BBC3: variants seen among roughly 807,000 people sequenced by gnomAD.
BBC3 encodes BCL2 binding component 3, also known as bcl-2-binding component 3.
BBC3 carries 5 observed loss-of-function variants against 18.2 expected under a neutral mutation model. That is an observed-to-expected ratio of 0.27 (90% CI 0.14 to 0.58). The LOEUF (loss-of-function observed/expected upper bound fraction) is 0.58. BBC3 is among the 20% of genes least tolerant of loss of function. The pLI, the probability that BBC3 is intolerant of heterozygous loss-of-function variation, is 0.91. For synonymous variants in BBC3, 119 were observed against 128.0 expected (o/e 0.93, Z 0.47); for missense variants, 224 against 268.9 (o/e 0.83, Z 1.17).
At chr19:47,231,997 C>T (rs2058919899), upstream of BBC3, among the ~76,000 whole-genome samples, 1 of 152,224 alleles carries the variant, frequency 6.6e-6, no homozygotes, top group South Asian at 2.1e-4. The surrounding 1 kb of genome is among the most constrained non-coding windows in gnomAD (Gnocchi z 4.0). Context: ...AAATCACACT[C>T]CCACAGGGAC....
At chr19:47,227,770 TCGACCCCTCCCC>T (rs2058854259) in intron 2 of BBC3, among the ~76,000 whole-genome samples, 6 of 151,950 alleles carry the variant, frequency 3.9e-5, no homozygotes, top group Non-Finnish European at 8.8e-5. Context: ...AAAAGGCCTC[TCGACCCCTCCCC>T]AGAGGCCAGA....
rs1344727886 is a variant in BBC3 at position 47,221,689 on chromosome 19, G to A, written c.*113C>T. ...CCGCCCCCGGGACAGGCAGGGCTGGGAGTCCAGTATGCTACATGGTGCAGA... is the reference window on the plus strand; with the variant it reads ...CCGCCCCCGGGACAGGCAGGGCTGGAAGTCCAGTATGCTACATGGTGCAGA... On this transcript the variant is annotated 3_prime_UTR_variant, in exon 4 of 4. Transcript: ENST00000439096. 4.5e-6 allele frequency: 7 copies of A among 1,551,726 alleles called. No individual in the cohort carries two copies. Among genetic ancestry groups the A allele is most frequent in the Admixed American group, 4.2e-5 (2 of 47,950 alleles).
At position 47,228,970 on chromosome 19, in the gene BBC3, G is replaced by C. The variant is rs1324991045; in HGVS notation, c.-15-524C>G. ...CAAACACTGAGATGGCCCCAGTCTC[G>C]GACATCACTACTCAGTACACACAAT... On this transcript the variant is annotated intron_variant, in intron 1 of 3. Coordinates refer to ENST00000439096, the MANE Select transcript of BBC3 (RefSeq NM_014417.5). The surrounding 1 kb of genome is among the most constrained non-coding windows in gnomAD (Gnocchi z 5.5). 6.6e-6 allele frequency among the ~76,000 whole-genome samples: 1 copy of C among 151,484 alleles called. No homozygotes were observed. Among genetic ancestry groups the C allele is most frequent in the Non-Finnish European group, 1.5e-5 (1 of 67,922 alleles).
In BBC3 at chr19:47,230,777, G is replaced by A. The variant is rs2058903741; in HGVS notation, c.-16+152C>T. On this transcript the variant is annotated intron_variant, in intron 1 of 3. Transcript: ENST00000439096. The surrounding 1 kb of genome is among the most constrained non-coding windows in gnomAD (Gnocchi z 6.7). ...GAGCCGCCTCTCACCCGGCGACCCT[G>A]GCCCAGGGTCCCTCGCGGGGTTTGG... is the stretch of plus-strand genomic sequence containing the variant. 1 of 985,204 alleles carries A rather than the reference G, an allele frequency of 1.0e-6. No homozygotes were observed. The allele number at this position is 985,204 out of a possible 1,614,324, so 61.0% of individuals were successfully genotyped here.
In BBC3 at chr19:47,224,547, A is replaced by G. The variant is rs1231435994; in HGVS notation, c.465+2017T>C. On this transcript the variant is annotated intron_variant, in intron 3 of 3. Coordinates refer to ENST00000439096, the MANE Select transcript of BBC3 (RefSeq NM_014417.5). ...AGGCTGAGGCGGGAGGATCCCTTAAACCCAGGAGTTGGAGGCTGCAGGGAG... is the reference window on the plus strand; with the variant it reads ...AGGCTGAGGCGGGAGGATCCCTTAAGCCCAGGAGTTGGAGGCTGCAGGGAG... 3.3e-5 allele frequency among the ~76,000 whole-genome samples: 5 copies of G among 152,038 alleles called. No homozygotes were observed. In the East Asian group the frequency reaches 9.7e-4, roughly 29 times the overall value.
At chr19:47,232,446 C>A, upstream of BBC3, 1 of 1,393,922 alleles carries the variant, frequency 7.2e-7, no homozygotes, top group Non-Finnish European at 9.9e-7. Context: ...CAAAGTCACA[C>A]CTGTGACAGC....
intron 1 of BBC3, among the ~76,000 whole-genome samples, chr19:47,229,494 C>CAGCT (rs2123394083): frequency 6.6e-6 from 1 of 151,098 alleles, no homozygotes; most frequent in South Asian, 2.1e-4. Context: ...ACACACCCTA[C>CAGCT]AGCTAACTCT....
chr19:47,225,593 AGC>A (rs2058805341), intron 3 of BBC3, among the ~76,000 whole-genome samples: 1 of 149,754 alleles, frequency 6.7e-6, no homozygotes, highest in Non-Finnish European at 1.5e-5. Context: ...CCTGGGCTCA[AGC>A]GTCCTTCTAT....
chr19:47,223,965 C>T (rs978079805), intron 3 of BBC3, among the ~76,000 whole-genome samples: 1 of 152,086 alleles, frequency 6.6e-6, no homozygotes, highest in African/African-American at 2.4e-5. Context: ...CACAAGAGCG[C>T]ACCCGGAAAT....
intron 1 of BBC3, among the ~76,000 whole-genome samples, chr19:47,229,119 G>A (rs1437859983): frequency 6.6e-6 from 1 of 151,986 alleles, no homozygotes; most frequent in African/African-American, 2.4e-5. Context: ...CTCACACACT[G>A]ACCCACTGTT....
chr19:47,228,244 G>C lies in BBC3; in HGVS notation c.188C>G (p.Thr63Ser), dbSNP rs1232475836. The C allele has an allele frequency of 8.2e-7, 1 of 1,217,732 alleles. No individual in the cohort carries two copies. Among genetic ancestry groups the C allele is most frequent in the Admixed American group, 4.3e-5 (1 of 23,160 alleles). 75.4% of individuals were successfully genotyped at this position (1,217,732 alleles called of 1,614,324 possible). The change falls in exon 2 of 4, where the codon ACC becomes AGC. Residue 63 changes from threonine (T) to serine (S), a missense_variant. Coordinates refer to ENST00000439096, the MANE Select transcript of BBC3 (RefSeq NM_014417.5). The surrounding 1 kb of genome is among the most constrained non-coding windows in gnomAD (Gnocchi z 5.5). ...LLPAAYLCAPTAPPAVTAALG... is the reference protein window; with the variant it reads ...LLPAAYLCAPSAPPAVTAALG... ...GGCGGCGGTGACGGCGGGTGGGGCG[G>C]TGGGGGCGCAGAGGTAGGCAGCGGG...
At chr19:47,232,519 A>G, upstream of BBC3, 2 of 1,548,350 alleles carry the variant, frequency 1.3e-6, no homozygotes, top group African/African-American at 2.7e-5. Flanking sequence ...ACTCACCACA[A>G]ATCTGGCAGG....
Position 47,228,074 on chromosome 19 carries a change from C to A in BBC3, c.274+84G>T, listed in dbSNP as rs867242821. The A allele has an allele frequency of 2.7e-6, 3 of 1,098,398 alleles. No homozygotes were observed. In the African/African-American group the frequency reaches 4.9e-5, roughly 18 times the overall value. 68.0% of individuals were successfully genotyped at this position (1,098,398 alleles called of 1,614,324 possible). A position where few individuals can be genotyped will look rare whatever the true frequency, so the allele number is the denominator to read the frequency against. Reference sequence around the variant, plus strand: ...GCTGGGCCCGCCACCTCCCCCCGTCCTCTCCCACTTCTCCAGTTCCTCCGA... The same window carrying A: ...GCTGGGCCCGCCACCTCCCCCCGTCATCTCCCACTTCTCCAGTTCCTCCGA... On this transcript the variant is annotated intron_variant, in intron 2 of 3. Coordinates refer to ENST00000439096, the MANE Select transcript of BBC3 (RefSeq NM_014417.5). This position sits in a 1 kb window ranked among gnomAD's most constrained non-coding sequence, Gnocchi z 5.5.
At position 47,230,742 on chromosome 19, in the gene BBC3, C is replaced by T. The variant is rs2058903077; in HGVS notation, c.-16+187G>A. The T allele has an allele frequency of 1.0e-6, 1 of 985,104 alleles. No individual in the cohort carries two copies. The highest frequency in any genetic ancestry group is 4.7e-5 in the South Asian group (1 of 21,288). The allele number at this position is 985,104 out of a possible 1,614,324, so 61.0% of individuals were successfully genotyped here. ...AGGCACCTGTGCGCCCAGACCGGCG[C>T]CCCAACGCCGAGCCGCCTCTCACCC... On this transcript the variant is annotated intron_variant, in intron 1 of 3. Coordinates refer to ENST00000439096, the MANE Select transcript of BBC3 (RefSeq NM_014417.5). This position sits in a 1 kb window ranked among gnomAD's most constrained non-coding sequence, Gnocchi z 6.7.
At chr19:47,223,981 T>C (rs1465675342) in intron 3 of BBC3, among the ~76,000 whole-genome samples, 1 of 151,940 alleles carries the variant, frequency 6.6e-6, no homozygotes, top group Non-Finnish European at 1.5e-5. Context: ...GAAATATGCA[T>C]GATTGGGAGA....
At chr19:47,226,496 G>A in intron 3 of BBC3, 68 bp downstream of exon 3, 2 of 1,455,862 alleles carry the variant, frequency 1.4e-6, no homozygotes, top group Non-Finnish European at 1.8e-6. Context: ...ACATCTGGCG[G>A]GGGCCGCCTG....
At position 47,228,228 on chromosome 19, in the gene BBC3, G is replaced by C. The variant is rs2058862916; in HGVS notation, c.204C>G (p.Val68=). The C allele has an allele frequency of 6.6e-6, 8 of 1,219,400 alleles. No homozygotes were observed. The highest frequency in any genetic ancestry group is 8.2e-6 in the Non-Finnish European group (8 of 980,102). 75.5% of individuals were successfully genotyped at this position (1,219,400 alleles called of 1,614,324 possible). ...AGCGGGAACCCCCCAGGGCGGCGGT[G>C]ACGGCGGGTGGGGCGGTGGGGGCGC... ...YLCAPTAPPA[V]TAALGGSRWP... The change falls in exon 2 of 4, where the codon GTC becomes GTG. Residue 68 remains valine, a synonymous_variant. Transcript: ENST00000439096. This position sits in a 1 kb window ranked among gnomAD's most constrained non-coding sequence, Gnocchi z 5.5.
At chr19:47,231,885 C>T (rs762621253), upstream of BBC3, among the ~76,000 whole-genome samples, 5 of 152,104 alleles carry the variant, frequency 3.3e-5, no homozygotes, top group Non-Finnish European at 7.4e-5. The surrounding 1 kb of genome is among the most constrained non-coding windows in gnomAD (Gnocchi z 4.0). Context: ...CAGACATAGG[C>T]GGAGTGCTTA....
chr19:47,221,175 C>A lies in BBC3; in HGVS notation c.*627G>T. On this transcript the variant is annotated 3_prime_UTR_variant, in exon 4 of 4. Coordinates refer to ENST00000439096, the MANE Select transcript of BBC3 (RefSeq NM_014417.5). ...GCGGTCACGGGCAGAGCACAGGATT[C>A]ACAGTCTGGGCCCCTCCTGGCCACC... 1 of 168,242 alleles carries A rather than the reference C, an allele frequency of 5.9e-6. No homozygotes were observed. Among genetic ancestry groups the A allele is most frequent in the Non-Finnish European group, 1.3e-5 (1 of 78,992 alleles). The allele number at this position is 168,242 out of a possible 1,614,324, so 10.4% of individuals were successfully genotyped here.
Sources: gnomAD v4.1 joint callset for allele counts (sites outside exome capture counted in the v4.1 genomes callset) on GRCh38, gnomAD v4.1.1 for gene constraint, Gnocchi (gnomAD v3.1) non-coding constraint, MANE v1.5 for transcripts, NCBI Gene and HGNC (gene_info 2026-07-23, HGNC 2026-07-21) for gene names.